ATP2A2: variants seen among roughly 807,000 people sequenced by gnomAD.
ATP2A2 encodes the protein ATPase sarcoplasmic/endoplasmic reticulum Ca2+ transporting 2.
ATP2A2 carries 14 observed loss-of-function variants against 109.3 expected under a neutral mutation model. That is an observed-to-expected ratio of 0.13 (90% CI 0.08 to 0.20). The LOEUF is 0.20. ATP2A2 is among the 10% of genes least tolerant of loss of function. The probability of loss-of-function intolerance (pLI) is 1.00; values close to 1 mark genes in which losing one functional copy is unlikely to be tolerated. For synonymous variants in ATP2A2, 506 were observed against 490.9 expected (o/e 1.03, Z -0.41); for missense variants, 657 against 1,321.6 (o/e 0.50, Z 7.80).
intron 5 of ATP2A2, among the ~76,000 whole-genome samples, chr12:110,322,332 G>A (rs1161023098): frequency 6.6e-6 from 1 of 152,050 alleles, no homozygotes; most frequent in Non-Finnish European, 1.5e-5. Flanking sequence ...TTTACTTTTT[G>A]AGATGGAGAC....
At chr12:110,297,106 G>A (rs1874039265) in intron 5 of ATP2A2, among the ~76,000 whole-genome samples, 1 of 152,028 alleles carries the variant, frequency 6.6e-6, no homozygotes, top group South Asian at 2.1e-4. Flanking sequence ...TTTGTTTCTT[G>A]GCACCAAAGT....
intron 8 of ATP2A2, chr12:110,331,548 C>A (rs975527104): frequency 6.6e-6 from 1 of 152,208 alleles, no homozygotes; most frequent in African/African-American, 2.4e-5. Context: ...CCATCTTTGC[C>A]AGGCTGATCT....
intron 5 of ATP2A2, among the ~76,000 whole-genome samples, chr12:110,310,490 T>A (rs1204526699): frequency 1.3e-5 from 2 of 152,228 alleles, no homozygotes; most frequent in Admixed American, 1.3e-4. Flanking sequence ...TATTGACTTC[T>A]TAAGAACACT....
intron 6 of ATP2A2, among the ~76,000 whole-genome samples, 174 bp downstream of exon 6, chr12:110,323,246 G>A (rs113923499): frequency 0.021 from 3,203 of 152,250 alleles, 114 homozygotes; most frequent in African/African-American, 0.073. Context: ...GTGCAGTGGC[G>A]TGATTGCGGC....
At position 110,340,551 on chromosome 12, in the gene ATP2A2, A is replaced by AAT; in HGVS notation, c.1762-108_1762-107insAT. On this transcript the variant is annotated intron_variant, in intron 13 of 19. Transcript: ENST00000539276. This position sits in a 1 kb window ranked among gnomAD's most constrained non-coding sequence, Gnocchi z 6.0. ...GAAACTCCGCCTCAAAAAAAAAAAA[A>AAT]GAAAAAAAATGCAGAAACCTGTCTC... The AAT allele has an allele frequency of 7.7e-6, 10 of 1,297,882 alleles. No individual in the cohort carries two copies. The highest frequency in any genetic ancestry group is 8.6e-6 in the Non-Finnish European group (8 of 925,322). 80.4% of individuals were successfully genotyped at this position (1,297,882 alleles called of 1,614,324 possible).
Position 110,292,141 on chromosome 12 carries a change from G to T in ATP2A2, c.324+17G>T. On this transcript the variant is annotated intron_variant, in intron 4 of 19. Transcript: ENST00000539276. ...GTATGGCAGGTAAGCAAAAATTCCT[G>T]TACTGCAAAATTTCAATAAGTTATG... 6.3e-7 allele frequency: 1 copy of T among 1,577,124 alleles called. No homozygotes were observed. The highest frequency in any genetic ancestry group is 8.7e-7 in the Non-Finnish European group (1 of 1,146,542).
chr12:110,311,085 C>T (rs1271506352), intron 5 of ATP2A2, among the ~76,000 whole-genome samples: 1 of 152,158 alleles, frequency 6.6e-6, no homozygotes, highest in Non-Finnish European at 1.5e-5. Flanking sequence ...GGCCATGAGT[C>T]CATGTGGACT....
chr12:110,290,126 G>A (rs1452964035), intron 3 of ATP2A2, among the ~76,000 whole-genome samples: 1 of 152,254 alleles, frequency 6.6e-6, no homozygotes, highest in South Asian at 2.1e-4. Context: ...AATACACTTC[G>A]GATCTCCCAA....
At chr12:110,286,084 C>A (rs375213338) in intron 3 of ATP2A2, among the ~76,000 whole-genome samples, 1 of 152,086 alleles carries the variant, frequency 6.6e-6, no homozygotes, top group East Asian at 1.9e-4. Flanking sequence ...CCACCACGCC[C>A]GGCTAATTTT....
At chr12:110,308,924 TAAA>T (rs1875676027) in intron 5 of ATP2A2, among the ~76,000 whole-genome samples, 1 of 152,040 alleles carries the variant, frequency 6.6e-6, no homozygotes, top group Non-Finnish European at 1.5e-5. Flanking sequence ...AAGCTGAAAA[TAAA>T]AAAGTACTGA....
chr12:110,318,636 G>T (rs1876918164), intron 5 of ATP2A2, among the ~76,000 whole-genome samples: 1 of 152,102 alleles, frequency 6.6e-6, no homozygotes, highest in South Asian at 2.1e-4. Flanking sequence ...ACCACACCCG[G>T]CTAATTTTTG....
At chr12:110,301,637 C>T (rs1874656754) in intron 5 of ATP2A2, among the ~76,000 whole-genome samples, 2 of 152,206 alleles carry the variant, frequency 1.3e-5, no homozygotes, top group Non-Finnish European at 2.9e-5. Context: ...TGTCTTCCTC[C>T]AGTCCATTCT....
chr12:110,331,784 G>T (rs1592850207), intron 8 of ATP2A2: 1 of 152,076 alleles, frequency 6.6e-6, no homozygotes, highest in African/African-American at 2.4e-5. Context: ...TTTTAGAGGA[G>T]GTTTTACAAG....
chr12:110,338,132 C>G (rs1216455446), intron 11 of ATP2A2, among the ~76,000 whole-genome samples: 2 of 152,182 alleles, frequency 1.3e-5, no homozygotes, highest in African/African-American at 4.8e-5. Context: ...CACAAGGCAC[C>G]AGGAGGTGAA....
In ATP2A2 at chr12:110,350,277, CTCTT is replaced by C; in HGVS notation, c.*3810_*3813del. On this transcript the variant is annotated 3_prime_UTR_variant, in exon 20 of 20. Coordinates refer to ENST00000539276, the MANE Select transcript of ATP2A2 (RefSeq NM_170665.4). ...GTATTTCATGAAGCTGATTTCCTCT[CTCTT>C]TCCTTTTCAGCAATACTGGAGTAAC... 6.2e-7 allele frequency: 1 copy of C among 1,614,234 alleles called. No individual in the cohort carries two copies. The highest frequency in any genetic ancestry group is 8.5e-7 in the Non-Finnish European group (1 of 1,180,052).
intron 8 of ATP2A2, 96 bp downstream of exon 8, chr12:110,328,113 T>C: frequency 8.0e-7 from 1 of 1,246,866 alleles, no homozygotes; most frequent in Non-Finnish European, 1.1e-6. Context: ...TGTAATTTCA[T>C]ACATTTCTGT....
intron 4 of ATP2A2, 88 bp downstream of exon 4, chr12:110,292,212 G>A (rs1873392193): frequency 1.0e-6 from 1 of 967,986 alleles, no homozygotes; most frequent in African/African-American, 1.6e-5. Flanking sequence ...TGTTTTTCCT[G>A]ATGTGTTGAG....
intron 16 of ATP2A2, 126 bp downstream of exon 16, chr12:110,343,560 T>TG: frequency 1.8e-6 from 2 of 1,099,810 alleles, no homozygotes; most frequent in Non-Finnish European, 2.7e-6. Context: ...AAGACAGAGA[T>TG]GCCCTCTTAC....
chr12:110,309,881 C>T (rs1421951285), intron 5 of ATP2A2, among the ~76,000 whole-genome samples: 1 of 149,250 alleles, frequency 6.7e-6, no homozygotes, highest in African/African-American at 2.5e-5. Flanking sequence ...TGCACTCCAG[C>T]GTGGGCAACA....
Sources: allele counts gnomAD v4.1 joint callset (sites outside exome capture counted in the v4.1 genomes callset), GRCh38; gene constraint gnomAD v4.1.1; non-coding constraint Gnocchi (gnomAD v3.1); transcripts MANE v1.5; gene names NCBI Gene and HGNC (gene_info 2026-07-23, HGNC 2026-07-21).